The following NALCN variants were observed in gnomAD, a reference collection of about 807,000 sequenced individuals.
The protein encoded by NALCN is sodium leak channel NALCN.
In NALCN, 111 loss-of-function variants were observed where a neutral mutation model predicts 225.3. The ratio of observed to expected loss-of-function variants is 0.49; its 90% CI spans 0.42 to 0.58. The LOEUF (loss-of-function observed/expected upper bound fraction) is 0.58. Among genes scored for constraint, NALCN ranks in the 20% least tolerant of loss-of-function variants. The pLI, the probability that NALCN is intolerant of heterozygous loss-of-function variation, is 0.00. For synonymous variants in NALCN, 764 were observed against 769.0 expected, an observed-to-expected ratio of 0.99 and a Z score of 0.11; for missense variants, 1,378 against 2,202.4, an observed-to-expected ratio of 0.63 and a Z score of 7.49.
rs759837551 is a variant in NALCN, at chr13:101,068,685, C to T, written c.4330+10G>A. 6 of 1,582,112 alleles carry T rather than the reference C, an allele frequency of 3.8e-6. No homozygotes were observed. Among genetic ancestry groups the T allele is most frequent in the East Asian group, 2.3e-5 (1 of 43,350 alleles). On this transcript the variant is annotated intron_variant, in intron 38 of 43. Coordinates refer to ENST00000251127, the MANE Select transcript of NALCN (RefSeq NM_052867.4). ...TAAAGAGTAAAAAGTATTCAACTAA[C>T]ATCACTTACCTACAAGCAGATTTAG...
At chr13:101,259,720 T>G (rs936519293) in intron 10 of NALCN, among the ~76,000 whole-genome samples, 2 of 111,332 alleles carry the variant, frequency 1.8e-5, no homozygotes, top group Non-Finnish European at 4.0e-5. Context: ...TATTTGTGGG[T>G]ACATAGTAAG....
At chr13:101,090,060 A>ATGTG (rs148372023) in intron 28 of NALCN, 94 bp from the exon 29 acceptor site, 6 of 1,554,100 alleles carry the variant, frequency 3.9e-6, no homozygotes, top group Admixed American at 3.5e-5. Flanking sequence ...AGTGTGGGAT[A>ATGTG]TGTGTGTGTG....
At chr13:101,094,612 T>C (rs1284602112) in intron 28 of NALCN, among the ~76,000 whole-genome samples, 5 of 152,106 alleles carry the variant, frequency 3.3e-5, no homozygotes, top group African/African-American at 1.2e-4. Context: ...ATGTCTCACA[T>C]TCCTCTCTCT....
At chr13:101,147,031 G>GT (rs1318053248) in intron 15 of NALCN, among the ~76,000 whole-genome samples, 2 of 152,136 alleles carry the variant, frequency 1.3e-5, no homozygotes, top group African/African-American at 4.8e-5. Context: ...GGCTCTAGAT[G>GT]TATCAGGACT....
chr13:101,278,124 A>G (rs2043023403), intron 10 of NALCN, among the ~76,000 whole-genome samples: 1 of 152,224 alleles, frequency 6.6e-6, no homozygotes, highest in South Asian at 2.1e-4. Context: ...CTCAGATATT[A>G]TTGATACCTC....
In NALCN at chr13:101,089,657, C is replaced by G; in HGVS notation, c.3489+6G>C. On this transcript the variant is annotated splice_donor_region_variant and intron_variant, in intron 30 of 43. Transcript: ENST00000251127. This position sits in a 1 kb window ranked among gnomAD's most constrained non-coding sequence, Gnocchi z 4.7. ...ACCCTGTGGTATCCAAACCAAAAAT[C>G]CTTACCTTGTTTTCATTGAAATTAG... The G allele has an allele frequency of 6.2e-7, 1 of 1,613,114 alleles. No individual in the cohort carries two copies. The highest frequency in any genetic ancestry group is 2.2e-5 in the East Asian group (1 of 44,828).
At chr13:101,345,715 T>TATCTATC (rs1230804816) in intron 6 of NALCN, among the ~76,000 whole-genome samples, 7 of 131,074 alleles carry the variant, frequency 5.3e-5, no homozygotes, top group Admixed American at 3.5e-4. Flanking sequence ...TCTATCTATC[T>TATCTATC]ATCTAAGAGT....
chr13:101,123,184 A>ACCCATTCACACAGAGGG (rs1352582882), intron 18 of NALCN, among the ~76,000 whole-genome samples: 4 of 152,164 alleles, frequency 2.6e-5, no homozygotes, highest in Admixed American at 2.6e-4. Flanking sequence ...GTCTCTGGGA[A>ACCCATTCACACAGAGGG]CCCATTCACA....
At chr13:101,415,994 G>A (rs983868655) in intron 1 of NALCN, among the ~76,000 whole-genome samples, 4 of 152,118 alleles carry the variant, frequency 2.6e-5, no homozygotes, top group Admixed American at 2.0e-4. Context: ...TCCCAAGCCA[G>A]CCCAGGGGCA....
At chr13:101,390,821 C>G (rs1232404393) in intron 3 of NALCN, among the ~76,000 whole-genome samples, 1 of 149,964 alleles carries the variant, frequency 6.7e-6, no homozygotes, top group African/African-American at 2.5e-5. Context: ...TAGAAACAGA[C>G]CCATAAAGTA....
intron 11 of NALCN, among the ~76,000 whole-genome samples, chr13:101,238,332 A>G (rs1283800802): frequency 1.3e-5 from 2 of 151,974 alleles, no homozygotes; most frequent in African/African-American, 4.8e-5. Context: ...TATTAACCTA[A>G]TTAAACTAAA....
intron 21 of NALCN, 38 bp downstream of exon 21, chr13:101,107,660 C>A (rs1400776454): frequency 6.2e-7 from 1 of 1,613,762 alleles, no homozygotes; most frequent in African/African-American, 1.3e-5. Context: ...TTTTGCCATT[C>A]CCGAATGAGA....
chr13:101,107,923 A>G (rs963110565), intron 20 of NALCN, 134 bp from the exon 21 acceptor site: 7 of 338,142 alleles, frequency 2.1e-5, no homozygotes, highest in African/African-American at 1.3e-4. Context: ...ATTTACTGTT[A>G]AACATATATT....
At chr13:101,105,038 C>T in intron 22 of NALCN, 88 bp from the exon 23 acceptor site, 1 of 1,158,790 alleles carries the variant, frequency 8.6e-7, no homozygotes, top group African/African-American at 1.5e-5. Flanking sequence ...TCTCATCTAC[C>T]TAAAATCTCT....
At chr13:101,383,815 C>A (rs531392325) in intron 3 of NALCN, among the ~76,000 whole-genome samples, 2 of 152,252 alleles carry the variant, frequency 1.3e-5, no homozygotes, top group South Asian at 4.1e-4. Flanking sequence ...ATAAGCAGAA[C>A]TAAACATGCC....
At chr13:101,082,129 C>T (rs558029394) in intron 33 of NALCN, among the ~76,000 whole-genome samples, 33 of 152,272 alleles carry the variant, frequency 2.2e-4, no homozygotes, top group Admixed American at 1.9e-3. Context: ...CCACCCACAT[C>T]GGCTTCCCAA....
chr13:101,305,311 A>T (rs2044119477), intron 7 of NALCN, among the ~76,000 whole-genome samples: 1 of 152,194 alleles, frequency 6.6e-6, no homozygotes, highest in Admixed American at 6.5e-5. Context: ...GTTGGAAGGA[A>T]ATAAGTATCT....
chr13:101,276,049 C>T (rs943678055), intron 10 of NALCN, among the ~76,000 whole-genome samples: 5 of 120,404 alleles, frequency 4.2e-5, no homozygotes, highest in African/African-American at 9.4e-5. Context: ...GATGACAGAG[C>T]GAGACTCCTT....
At chr13:101,284,069 T>A in intron 9 of NALCN, 50 bp from the exon 10 acceptor site, 14 of 1,465,182 alleles carry the variant, frequency 9.6e-6, no homozygotes, top group South Asian at 1.2e-5. Context: ...TATGGAACAT[T>A]GAGAACTCTA....
Sources: allele counts gnomAD v4.1 joint callset (sites outside exome capture counted in the v4.1 genomes callset), GRCh38; gene constraint gnomAD v4.1.1; non-coding constraint Gnocchi (gnomAD v3.1); transcripts MANE v1.5; gene names NCBI Gene and HGNC (gene_info 2026-07-23, HGNC 2026-07-21).